The following DIP2B variants were observed in gnomAD, a reference collection of about 807,000 sequenced individuals.
DIP2B encodes the protein DIP2 acetate--CoA ligase B (putative).
A neutral mutation model predicts 198.0 loss-of-function variants in DIP2B; 76 were observed. That is an observed-to-expected ratio of 0.38 (90% CI 0.32 to 0.46). The LOEUF (loss-of-function observed/expected upper bound fraction) is 0.46, where lower values mean the gene tolerates loss of function less well. Among genes scored for constraint, DIP2B ranks in the 20% least tolerant of loss-of-function variants. The pLI, the probability that DIP2B is intolerant of heterozygous loss-of-function variation, is 0.99. For missense variants in DIP2B, 1,559 were observed against 1,978.4 expected, an observed-to-expected ratio of 0.79 and a Z score of 4.02; for synonymous variants, 701 against 739.1, an observed-to-expected ratio of 0.95 and a Z score of 0.84.
At chr12:50,588,142 TTTTTC>T (rs1314598252) in intron 1 of DIP2B, among the ~76,000 whole-genome samples, 39 of 151,226 alleles carry the variant, frequency 2.6e-4, no homozygotes, top group Admixed American at 1.8e-3. Flanking sequence ...TTTTCTTTTT[TTTTTC>T]TTTTTCTTTT....
At chr12:50,556,902 G>A (rs955452804) in intron 1 of DIP2B, among the ~76,000 whole-genome samples, 2 of 152,142 alleles carry the variant, frequency 1.3e-5, no homozygotes, top group Non-Finnish European at 2.9e-5. Flanking sequence ...TAGAGACAGG[G>A]TTTCTCCATG....
chr12:50,737,137 T>C, intron 35 of DIP2B, 27 bp downstream of exon 35: 1 of 1,598,798 alleles, frequency 6.3e-7, no homozygotes, highest in Non-Finnish European at 8.6e-7. Flanking sequence ...ATTTTTACTC[T>C]GAAAAGTCAG....
At chr12:50,716,913 A>C (rs528648457) in intron 23 of DIP2B, among the ~76,000 whole-genome samples, 30 of 142,842 alleles carry the variant, frequency 2.1e-4, no homozygotes, top group African/African-American at 7.6e-4. Context: ...CGAATAGTAT[A>C]GTGAGGAACA....
At chr12:50,737,241 G>T (rs1460472317) in intron 35 of DIP2B, 131 bp downstream of exon 35, 6 of 788,814 alleles carry the variant, frequency 7.6e-6, no homozygotes, top group Non-Finnish European at 1.2e-5. Flanking sequence ...TTTTCTGTAA[G>T]GCATGAGACT....
intron 1 of DIP2B, among the ~76,000 whole-genome samples, chr12:50,522,594 G>A (rs1422907712): frequency 2.0e-5 from 3 of 152,122 alleles, no homozygotes; most frequent in African/African-American, 4.8e-5. Flanking sequence ...ACGTGCAAAC[G>A]CCACACAGAT....
Position 50,685,858 on chromosome 12 carries a change from T to C in DIP2B, c.1343T>C (p.Phe448Ser). The change falls in exon 11 of 38, where the codon TTC becomes TCC. Residue 448 changes from phenylalanine (F) to serine (S), a missense_variant. By Grantham distance (155) the Phe-to-Ser change is radical. Coordinates refer to ENST00000301180, the MANE Select transcript of DIP2B (RefSeq NM_173602.3). ...RKDAGGQQIG[F>S]LLGSCGIALA... ...GATGCTGGAGGTCAGCAGATTGGCT[T>C]CTTGCTAGGAAGCTGTGGTATTGCC... 2 of 1,613,852 alleles carry C rather than the reference T, an allele frequency of 1.2e-6. No individual in the cohort carries two copies. Among genetic ancestry groups the C allele is most frequent in the South Asian group, 2.2e-5 (2 of 91,044 alleles).
intron 1 of DIP2B, among the ~76,000 whole-genome samples, chr12:50,516,229 C>A (rs1232691545): frequency 6.8e-6 from 1 of 147,632 alleles, no homozygotes; most frequent in Non-Finnish European, 1.5e-5. Flanking sequence ...CTCTCTCTCT[C>A]TCTCTCTCTC....
At chr12:50,507,210 G>A (rs961443255) in intron 1 of DIP2B, among the ~76,000 whole-genome samples, 2 of 152,138 alleles carry the variant, frequency 1.3e-5, no homozygotes, top group Non-Finnish European at 2.9e-5. Context: ...ATCTGACTTG[G>A]TTTGAATTTG....
At chr12:50,578,303 G>A (rs1480942581) in intron 1 of DIP2B, among the ~76,000 whole-genome samples, 1 of 151,934 alleles carries the variant, frequency 6.6e-6, no homozygotes, top group Non-Finnish European at 1.5e-5. Context: ...CACTGTGGCC[G>A]GCCTTGTTTT....
At chr12:50,628,227 C>T (rs764638366) in intron 2 of DIP2B, among the ~76,000 whole-genome samples, 6 of 151,948 alleles carry the variant, frequency 3.9e-5, no homozygotes, top group African/African-American at 9.7e-5. Context: ...AAGAATTAGC[C>T]GGGCGTGGTG....
In DIP2B at chr12:50,518,223, C is replaced by CT. The variant is rs11303099; in HGVS notation, c.100+13001dup. The stretch of plus-strand genomic sequence containing the variant: ...TGGGTTCACATATGGTCTTGGGCAA[C>CT]TTTTTTTTTTTTTTTTTTGAGACAG... On this transcript the variant is annotated intron_variant, in intron 1 of 37. Transcript: ENST00000301180. 4.8e-3 allele frequency among the ~76,000 whole-genome samples: 631 copies of CT among 132,528 alleles called. 6 individuals carry two copies. The highest frequency in any genetic ancestry group is 0.017 in the African/African-American group (609 of 36,474). 86.9% of individuals were successfully genotyped at this position (132,528 alleles called of 152,430 possible). A position where few individuals can be genotyped will look rare whatever the true frequency, so the allele number is the denominator to read the frequency against.
rs947844150 is a variant in DIP2B, at chr12:50,704,054, C to A, written c.2326-86C>A. The A allele has an allele frequency of 4.6e-6, 5 of 1,096,276 alleles. No individual in the cohort carries two copies. The African/African-American group carries it at 8.0e-5, about 17-fold the overall frequency. The allele number at this position is 1,096,276 out of a possible 1,614,324, so 67.9% of individuals were successfully genotyped here. ...ACTATTACATTATTTTTTCACTGAG[C>A]ATGTATTTTAATAAAACTTTTTAAA... On this transcript the variant is annotated intron_variant, in intron 19 of 37. Coordinates refer to ENST00000301180, the MANE Select transcript of DIP2B (RefSeq NM_173602.3).
At chr12:50,591,358 AT>A (rs909301856) in intron 1 of DIP2B, among the ~76,000 whole-genome samples, 128 of 147,226 alleles carry the variant, frequency 8.7e-4, no homozygotes, top group Middle Eastern at 3.4e-3. Flanking sequence ...TACCCATCTG[AT>A]TTTTTTTTTT....
intron 1 of DIP2B, among the ~76,000 whole-genome samples, chr12:50,540,067 T>TG (rs1197904214): frequency 2.1e-5 from 3 of 143,522 alleles, no homozygotes; most frequent in African/African-American, 7.6e-5. Flanking sequence ...TTTTTTTTTT[T>TG]TTTTTTTTTT....
intron 1 of DIP2B, among the ~76,000 whole-genome samples, chr12:50,545,956 C>T (rs1489376359): frequency 1.3e-5 from 2 of 152,074 alleles, no homozygotes; most frequent in Non-Finnish European, 2.9e-5. Context: ...TTATTGAGGA[C>T]TTGTGTATAG....
chr12:50,610,330 T>A (rs1959020714), intron 1 of DIP2B, among the ~76,000 whole-genome samples: 1 of 152,142 alleles, frequency 6.6e-6, no homozygotes, highest in Non-Finnish European at 1.5e-5. Context: ...ATTGCTAGTT[T>A]TGATTGTGAT....
chr12:50,560,917 CAT>C (rs906241801), intron 1 of DIP2B, among the ~76,000 whole-genome samples: 10 of 152,152 alleles, frequency 6.6e-5, no homozygotes, highest in African/African-American at 2.4e-4. Flanking sequence ...TAAACAGTAA[CAT>C]GTTAAAGGCT....
intron 3 of DIP2B, among the ~76,000 whole-genome samples, chr12:50,654,195 G>A (rs1311124941): frequency 1.3e-5 from 2 of 151,914 alleles, no homozygotes; most frequent in African/African-American, 2.4e-5. Flanking sequence ...TTTTGGATTC[G>A]TTTGTTCTTT....
At chr12:50,570,542 C>G (rs537505995) in intron 1 of DIP2B, among the ~76,000 whole-genome samples, 13 of 152,260 alleles carry the variant, frequency 8.5e-5, no homozygotes, top group Admixed American at 2.6e-4. Flanking sequence ...AAAACCCTGT[C>G]TCTATTAAAA....
Sources: allele counts gnomAD v4.1 joint callset (sites outside exome capture counted in the v4.1 genomes callset), GRCh38; gene constraint gnomAD v4.1.1; transcripts MANE v1.5; gene names NCBI Gene and HGNC (gene_info 2026-07-23, HGNC 2026-07-21).